Variants in GALNTL6 observed in about 807,000 individuals in gnomAD.
GALNTL6 encodes polypeptide N-acetylgalactosaminyltransferase like 6.
A neutral mutation model predicts 73.7 loss-of-function variants in GALNTL6; 46 were observed. That is an observed-to-expected ratio of 0.62 (90% CI 0.49 to 0.80). The LOEUF (loss-of-function observed/expected upper bound fraction) is 0.80. Ranked by LOEUF, GALNTL6 falls within the 30% of genes least tolerant of loss-of-function variation. GALNTL6 has a pLI of 0.00. For missense variants in GALNTL6, 604 were observed against 755.0 expected, an observed-to-expected ratio of 0.80 and a Z score of 2.34; for synonymous variants, 259 against 263.7, an observed-to-expected ratio of 0.98 and a Z score of 0.17.
At chr4:172,021,076 A>G (rs1239201317) in intron 2 of GALNTL6, among the ~76,000 whole-genome samples, 2 of 152,100 alleles carry the variant, frequency 1.3e-5, no homozygotes, top group East Asian at 3.9e-4. Context: ...TTGATGCTAA[A>G]AAAATTGATA....
chr4:172,657,239 A>G (rs1269191919), intron 5 of GALNTL6, among the ~76,000 whole-genome samples: 1 of 152,156 alleles, frequency 6.6e-6, no homozygotes, highest in Admixed American at 6.5e-5. Flanking sequence ...GATACCTAGC[A>G]CCTCTGAGCC....
intron 2 of GALNTL6, among the ~76,000 whole-genome samples, chr4:172,156,051 C>T (rs548593542): frequency 6.6e-6 from 1 of 152,052 alleles, no homozygotes; most frequent in East Asian, 1.9e-4. Context: ...CGGTGTGGAG[C>T]TACAGGCTGT....
At chr4:172,233,630 C>T (rs1481687631) in intron 3 of GALNTL6, among the ~76,000 whole-genome samples, 1 of 152,064 alleles carries the variant, frequency 6.6e-6, no homozygotes, top group East Asian at 1.9e-4. Flanking sequence ...AGTAAAAATC[C>T]CTGTGCTAAT....
chr4:172,183,227 T>G (rs1479720924), intron 2 of GALNTL6, among the ~76,000 whole-genome samples: 1 of 152,252 alleles, frequency 6.6e-6, no homozygotes. Flanking sequence ...TACCAAACTT[T>G]TATTCCAAAG....
intron 5 of GALNTL6, among the ~76,000 whole-genome samples, chr4:172,769,601 T>G (rs562683029): frequency 1.1e-4 from 16 of 152,352 alleles, no homozygotes; most frequent in African/African-American, 3.6e-4. Flanking sequence ...TTTGGAGAAA[T>G]GTCAGAGCTA....
intron 5 of GALNTL6, among the ~76,000 whole-genome samples, chr4:172,503,783 G>A (rs1299827315): frequency 6.6e-6 from 1 of 151,840 alleles, no homozygotes; most frequent in Admixed American, 6.6e-5. Flanking sequence ...ATTAAATTAA[G>A]TGCGAGAGGC....
At chr4:172,545,243 C>T (rs1322684384) in intron 5 of GALNTL6, among the ~76,000 whole-genome samples, 1 of 152,142 alleles carries the variant, frequency 6.6e-6, no homozygotes, top group South Asian at 2.1e-4. Flanking sequence ...GATATGGCTA[C>T]AGCAGTTCAG....
At chr4:172,842,934 T>C (rs937598773) in intron 7 of GALNTL6, among the ~76,000 whole-genome samples, 1 of 152,054 alleles carries the variant, frequency 6.6e-6, no homozygotes, top group Admixed American at 6.5e-5. Flanking sequence ...CAGGAACAAA[T>C]GGACAGAGAA....
intron 2 of GALNTL6, among the ~76,000 whole-genome samples, chr4:171,885,355 A>C (rs1736578769): frequency 6.6e-6 from 1 of 152,206 alleles, no homozygotes; most frequent in Admixed American, 6.5e-5. Flanking sequence ...AAACCAATAC[A>C]AAAGAGTAGG....
Position 173,018,789 on chromosome 4 carries a change from G to A in GALNTL6, c.1489-2687G>A, listed in dbSNP as rs554257963. On this transcript the variant is annotated intron_variant, in intron 11 of 12. Coordinates refer to ENST00000506823, the MANE Select transcript of GALNTL6 (RefSeq NM_001034845.3). Reference sequence around the variant, plus strand: ...AGCATTGCTGGAACATAAACTTGAAGGAAAGGAATGTAGGTGGAAAGAACA... The same window carrying A: ...AGCATTGCTGGAACATAAACTTGAAAGAAAGGAATGTAGGTGGAAAGAACA... Among the ~76,000 whole-genome samples the A allele has an allele frequency of 2.0e-5, 3 of 152,364 alleles. No individual in the cohort carries two copies. In the East Asian group the frequency reaches 5.8e-4, roughly 29 times the overall value.
chr4:171,876,848 C>A (rs1198046515), intron 2 of GALNTL6, among the ~76,000 whole-genome samples: 1 of 152,196 alleles, frequency 6.6e-6, no homozygotes, highest in Non-Finnish European at 1.5e-5. Context: ...AGGGCTTATG[C>A]ATGGTAATTA....
At chr4:171,850,019 G>A (rs927207096) in intron 2 of GALNTL6, among the ~76,000 whole-genome samples, 2 of 152,208 alleles carry the variant, frequency 1.3e-5, no homozygotes, top group African/African-American at 4.8e-5. Context: ...AGGCTGGAGT[G>A]CAATGGTGCA....
At chr4:172,088,183 C>T (rs1560918061) in intron 2 of GALNTL6, among the ~76,000 whole-genome samples, 1 of 152,010 alleles carries the variant, frequency 6.6e-6, no homozygotes, top group Non-Finnish European at 1.5e-5. Flanking sequence ...TAATAATTTG[C>T]TATTCATTTT....
intron 2 of GALNTL6, among the ~76,000 whole-genome samples, chr4:171,969,391 A>G (rs1739493090): frequency 6.6e-6 from 1 of 152,232 alleles, no homozygotes; most frequent in African/African-American, 2.4e-5. Flanking sequence ...GGCAAGGATT[A>G]CATCACCATG....
chr4:172,380,077 A>G, intron 5 of GALNTL6: 1 of 973,882 alleles, frequency 1.0e-6, no homozygotes, highest in Non-Finnish European at 1.7e-6. Flanking sequence ...AGCTGTTTAT[A>G]TGGCTTGGGC....
chr4:172,169,567 T>G (rs1278113475), intron 2 of GALNTL6, among the ~76,000 whole-genome samples: 2 of 152,204 alleles, frequency 1.3e-5, no homozygotes, highest in African/African-American at 2.4e-5. Flanking sequence ...ACTTTTGGGT[T>G]TTTTTTAAAG....
intron 5 of GALNTL6, among the ~76,000 whole-genome samples, chr4:172,370,073 G>A (rs1446477625): frequency 3.3e-5 from 5 of 152,148 alleles, no homozygotes; most frequent in Non-Finnish European, 7.3e-5. Context: ...GAATTTGGCC[G>A]ATGACCACTC....
intron 5 of GALNTL6, chr4:172,666,697 C>T (rs1731686539): frequency 6.6e-6 from 1 of 152,168 alleles, no homozygotes; most frequent in East Asian, 1.9e-4. Context: ...ACCTAGTTTA[C>T]TATGGCACAC....
At chr4:171,862,079 T>C (rs1735844932) in intron 2 of GALNTL6, among the ~76,000 whole-genome samples, 2 of 152,170 alleles carry the variant, frequency 1.3e-5, no homozygotes, top group Non-Finnish European at 2.9e-5. Context: ...TGGACAATAA[T>C]TTAGCAAGCT....
Sources: allele counts gnomAD v4.1 joint callset (sites outside exome capture counted in the v4.1 genomes callset), GRCh38; gene constraint gnomAD v4.1.1; transcripts MANE v1.5; gene names NCBI Gene and HGNC (gene_info 2026-07-23, HGNC 2026-07-21).